Variants in DNER observed in about 807,000 individuals in gnomAD.
DNER encodes delta and Notch-like epidermal growth factor-related receptor.
DNER carries 33 observed loss-of-function variants against 78.2 expected under a neutral mutation model. The ratio of observed to expected loss-of-function variants is 0.42; its 90% CI spans 0.32 to 0.56. DNER has a LOEUF of 0.56. DNER is among the 20% of genes least tolerant of loss of function. The probability of loss-of-function intolerance (pLI) is 0.11; values close to 1 mark genes in which losing one functional copy is unlikely to be tolerated. For synonymous variants in DNER, 417 were observed against 384.8 expected, an observed-to-expected ratio of 1.08 and a Z score of -0.98; for missense variants, 918 against 975.3, an observed-to-expected ratio of 0.94 and a Z score of 0.78.
chr2:229,577,438 A>G (rs1177614986), intron 4 of DNER, among the ~76,000 whole-genome samples: 9 of 152,164 alleles, frequency 5.9e-5, no homozygotes, highest in Non-Finnish European at 8.8e-5. Flanking sequence ...AGGCTGAGGC[A>G]GGAGGAATAT....
chr2:229,465,893 T>C (rs1444973560), intron 7 of DNER, among the ~76,000 whole-genome samples: 1 of 152,010 alleles, frequency 6.6e-6, no homozygotes, highest in Admixed American at 6.6e-5. Context: ...CCCCCGTATA[T>C]CAAGTCGTGT....
chr2:229,394,177 G>A (rs1294711564), intron 10 of DNER, among the ~76,000 whole-genome samples: 1 of 152,138 alleles, frequency 6.6e-6, no homozygotes, highest in Admixed American at 6.5e-5. Flanking sequence ...TTTATGTACT[G>A]TTCCTTGTAC....
chr2:229,704,830 G>T (rs12473075), intron 1 of DNER, among the ~76,000 whole-genome samples: 20,385 of 152,184 alleles, frequency 0.13, 1,448 homozygotes, highest in Admixed American at 0.18. Flanking sequence ...AAATGAAAAG[G>T]GTCTGGGAAT....
At chr2:229,461,689 A>G (rs761392560) in intron 7 of DNER, among the ~76,000 whole-genome samples, 3 of 152,082 alleles carry the variant, frequency 2.0e-5, no homozygotes, top group Non-Finnish European at 4.4e-5. Flanking sequence ...ACTGGAAGCT[A>G]ATAAGCAAAT....
chr2:229,394,993 C>G (rs1367833047), intron 10 of DNER, among the ~76,000 whole-genome samples: 1 of 152,134 alleles, frequency 6.6e-6, no homozygotes, highest in Non-Finnish European at 1.5e-5. Context: ...AGTCTGGGAT[C>G]CCTTGGAGAC....
chr2:229,699,602 C>T (rs560132030), intron 1 of DNER, among the ~76,000 whole-genome samples: 12 of 152,184 alleles, frequency 7.9e-5, no homozygotes, highest in Admixed American at 2.0e-4. Context: ...TAGGCTCAAG[C>T]GATCCACCCA....
At chr2:229,458,135 CAAAAAA>C (rs61340733) in intron 7 of DNER, among the ~76,000 whole-genome samples, 36 of 17,718 alleles carry the variant, frequency 2.0e-3, no homozygotes, top group African/African-American at 6.9e-3. Flanking sequence ...GACTCTATCT[CAAAAAA>C]AAAAAAAAAA....
At chr2:229,491,889 G>T (rs1400513454) in intron 6 of DNER, among the ~76,000 whole-genome samples, 1 of 151,822 alleles carries the variant, frequency 6.6e-6, no homozygotes, top group Admixed American at 6.6e-5. Flanking sequence ...TGGTTGCTCA[G>T]CCATAACCTT....
intron 1 of DNER, among the ~76,000 whole-genome samples, chr2:229,626,219 T>A (rs1187340292): frequency 1.2e-4 from 18 of 152,192 alleles, no homozygotes; most frequent in Admixed American, 1.1e-3. Context: ...GTGCCCGGCC[T>A]ACTATGCAAC....
rs564475129 is a variant in DNER at position 229,709,066 on chromosome 2, G to A, written c.276+5082C>T. On this transcript the variant is annotated intron_variant, in intron 1 of 12. Coordinates refer to ENST00000341772, the MANE Select transcript of DNER (RefSeq NM_139072.4). ...TGTCATAACATAATTCATCCTAGTA[G>A]AGAGAAAAAGCTGTGTCTGTTCATT... 1.4e-4 allele frequency among the ~76,000 whole-genome samples: 21 copies of A among 152,202 alleles called. No individual in the cohort carries two copies. The South Asian group carries it at 2.9e-3, about 21-fold the overall frequency.
chr2:229,684,785 T>C (rs560512356), intron 1 of DNER, among the ~76,000 whole-genome samples: 2 of 152,340 alleles, frequency 1.3e-5, no homozygotes, highest in East Asian at 3.9e-4. Flanking sequence ...CTATCAAATC[T>C]GGTCTTCATG....
chr2:229,442,114 G>T (rs1694248220), intron 8 of DNER, among the ~76,000 whole-genome samples: 1 of 152,172 alleles, frequency 6.6e-6, no homozygotes. Context: ...GGACATGAGG[G>T]CAGGATTAGG....
intron 6 of DNER, among the ~76,000 whole-genome samples, chr2:229,511,605 T>C (rs1695865098): frequency 2.6e-5 from 4 of 152,168 alleles, no homozygotes; most frequent in Admixed American, 1.3e-4. Flanking sequence ...CTAATGAACA[T>C]ACATGAACAA....
At chr2:229,536,316 C>T (rs1287041263) in intron 5 of DNER, among the ~76,000 whole-genome samples, 4 of 152,154 alleles carry the variant, frequency 2.6e-5, no homozygotes, top group African/African-American at 7.2e-5. Flanking sequence ...GGGACGCATC[C>T]GTGTCCTCAC....
intron 5 of DNER, among the ~76,000 whole-genome samples, chr2:229,516,994 C>G (rs1421825234): frequency 6.6e-6 from 1 of 150,506 alleles, no homozygotes; most frequent in Non-Finnish European, 1.5e-5. Context: ...GCCTGTAGTC[C>G]CAGCTACTCA....
intron 7 of DNER, among the ~76,000 whole-genome samples, chr2:229,450,235 T>C (rs2106363411): frequency 6.6e-6 from 1 of 152,312 alleles, no homozygotes; most frequent in African/African-American, 2.4e-5. Context: ...AACTGTATCC[T>C]TGAAAACTCT....
At chr2:229,487,698 C>G (rs1695306411) in intron 6 of DNER, among the ~76,000 whole-genome samples, 1 of 152,216 alleles carries the variant, frequency 6.6e-6, no homozygotes, top group Admixed American at 6.5e-5. Context: ...ATTCACTCTT[C>G]AGAAAGAATT....
intron 1 of DNER, among the ~76,000 whole-genome samples, chr2:229,605,909 A>C (rs1697925946): frequency 6.6e-6 from 1 of 152,136 alleles, no homozygotes; most frequent in Non-Finnish European, 1.5e-5. Context: ...AAGATCATAG[A>C]CACGTGACTT....
intron 12 of DNER, among the ~76,000 whole-genome samples, chr2:229,365,860 T>TA (rs1474563609): frequency 2.0e-5 from 3 of 152,242 alleles, no homozygotes; most frequent in African/African-American, 7.2e-5. Flanking sequence ...ACAGCACACT[T>TA]ACTTTCTGAA....
Sources: gnomAD v4.1 joint callset for allele counts (sites outside exome capture counted in the v4.1 genomes callset) on GRCh38, gnomAD v4.1.1 for gene constraint, MANE v1.5 for transcripts, NCBI Gene and HGNC (gene_info 2026-07-23, HGNC 2026-07-21) for gene names.